The following DIPK1C variants were observed in gnomAD, a reference collection of about 807,000 sequenced individuals.
DIPK1C encodes the protein divergent protein kinase domain 1C, also known as familial non-conventional Alzheimer's dementia.
Under a neutral mutation model 28.0 loss-of-function variants are expected in DIPK1C, and 33 were observed. The observed-to-expected ratio is 1.18, with a 90% CI of 0.89 to 1.58. The LOEUF is 1.58. Among genes scored for constraint, DIPK1C ranks in the 40% most tolerant of loss-of-function variants. The pLI, the probability that DIPK1C is intolerant of heterozygous loss-of-function variation, is 0.00. For missense variants in DIPK1C, 569 were observed against 568.5 expected (o/e 1.00, Z -0.01); for synonymous variants, 255 against 248.8 (o/e 1.02, Z -0.23).
In DIPK1C at chr18:74,447,050, C is replaced by T; in HGVS notation, c.432G>A (p.Glu144=). The T allele has an allele frequency of 6.5e-7, 1 of 1,549,674 alleles. No homozygotes were observed. The highest frequency in any genetic ancestry group is 8.7e-7 in the Non-Finnish European group (1 of 1,146,550). The stretch of plus-strand genomic sequence containing the variant: ...CAGCCACCATCAGGAGGAGTTCGGC[C>T]TCGGGCATGTCCTGGCCACCCTCCC... ...EAGEGGQDMP[E]AELLLMVAGE... is the part of the protein sequence containing the mutation. The change falls in exon 2 of 4, where the codon GAG becomes GAA. Residue 144 remains glutamate, a synonymous_variant. Coordinates refer to ENST00000343998, the MANE Select transcript of DIPK1C (RefSeq NM_001044369.3). This position sits in a 1 kb window ranked among gnomAD's most constrained non-coding sequence, Gnocchi z 4.1.
At chr18:74,438,402 G>A (rs1484640439) in intron 3 of DIPK1C, among the ~76,000 whole-genome samples, 1 of 152,144 alleles carries the variant, frequency 6.6e-6, no homozygotes, top group East Asian at 1.9e-4. Flanking sequence ...CTAGAAATAG[G>A]ATTTCTGGGT....
At position 74,452,696 on chromosome 18, in the gene DIPK1C, CA is replaced by C. The variant is rs553474434; in HGVS notation, c.198+4365del. ...CTGGGAGGTAGAGGCTGCAGTGAGCCACCCTGTCTCAAGAAAACAAACAAAA... is the reference window on the plus strand; with the variant it reads ...CTGGGAGGTAGAGGCTGCAGTGAGCCCCCTGTCTCAAGAAAACAAACAAAA... On this transcript the variant is annotated intron_variant, in intron 1 of 3. Transcript: ENST00000343998. 4.6e-5 allele frequency among the ~76,000 whole-genome samples: 7 copies of C among 152,168 alleles called. No homozygotes were observed. In the East Asian group the frequency reaches 1.3e-3, roughly 29 times the overall value.
At chr18:74,442,512 G>A (rs1228502728) in intron 2 of DIPK1C, among the ~76,000 whole-genome samples, 3 of 151,796 alleles carry the variant, frequency 2.0e-5, no homozygotes, top group Admixed American at 6.6e-5. Context: ...TGTATTTTTA[G>A]TAGAGACGGG....
In DIPK1C at chr18:74,447,351, A is replaced by C. The variant is rs1246052064; in HGVS notation, c.199-68T>G. 7.0e-7 allele frequency: 1 copy of C among 1,422,900 alleles called. No individual in the cohort carries two copies. Among genetic ancestry groups the C allele is most frequent in the Non-Finnish European group, 9.3e-7 (1 of 1,071,650 alleles). The allele number at this position is 1,422,900 out of a possible 1,614,324, so 88.1% of individuals were successfully genotyped here. On this transcript the variant is annotated intron_variant, in intron 1 of 3. Transcript: ENST00000343998. The surrounding 1 kb of genome is among the most constrained non-coding windows in gnomAD (Gnocchi z 4.1). ...TGCCATCCGTCTCTCGGCTCGGGTT[A>C]GGGAAGGGGACAGCCTAGCCTCTGC...
chr18:74,456,032 C>A (rs1232034162), intron 1 of DIPK1C, among the ~76,000 whole-genome samples: 1 of 152,216 alleles, frequency 6.6e-6, no homozygotes, highest in Non-Finnish European at 1.5e-5. Flanking sequence ...ATGTAAGCAA[C>A]TGGACTGAAA....
chr18:74,457,818 G>C (rs1157511366), upstream of DIPK1C: 1 of 151,492 alleles, frequency 6.6e-6, no homozygotes, highest in Non-Finnish European at 1.5e-5. Flanking sequence ...GAGATCCGGA[G>C]CATGCAGAGA....
chr18:74,448,511 A>G (rs1259726401), intron 1 of DIPK1C, among the ~76,000 whole-genome samples: 1 of 152,174 alleles, frequency 6.6e-6, no homozygotes, highest in Non-Finnish European at 1.5e-5. Context: ...CTGAGCTTGG[A>G]TTCCATGGTC....
chr18:74,440,677 C>T (rs533445316), intron 3 of DIPK1C, among the ~76,000 whole-genome samples: 2 of 152,312 alleles, frequency 1.3e-5, no homozygotes, highest in Admixed American at 6.5e-5. Context: ...CTTAATGAAT[C>T]GGTAAGAGCC....
chr18:74,454,466 G>A (rs780185423), intron 1 of DIPK1C, among the ~76,000 whole-genome samples: 78 of 152,340 alleles, frequency 5.1e-4, no homozygotes, highest in Admixed American at 1.4e-3. Flanking sequence ...GGCAGCCCCC[G>A]CTACTGGGGG....
upstream of DIPK1C, among the ~76,000 whole-genome samples, chr18:74,458,201 G>A (rs927759500): frequency 6.6e-6 from 1 of 152,100 alleles, no homozygotes; most frequent in Non-Finnish European, 1.5e-5. Context: ...CCCAGGATAG[G>A]GGGAGGCGGC....
At chr18:74,444,310 G>C (rs1166749177) in intron 2 of DIPK1C, among the ~76,000 whole-genome samples, 1 of 152,180 alleles carries the variant, frequency 6.6e-6, no homozygotes, top group Admixed American at 6.5e-5. Flanking sequence ...ACAGCCACTG[G>C]ACACTTTCTC....
At chr18:74,442,351 CGG>C (rs1437874092) in intron 2 of DIPK1C, among the ~76,000 whole-genome samples, 1 of 151,826 alleles carries the variant, frequency 6.6e-6, no homozygotes, top group Non-Finnish European at 1.5e-5. Flanking sequence ...TTAATTGAGA[CGG>C]AGTCTCACTC....
intron 3 of DIPK1C, among the ~76,000 whole-genome samples, chr18:74,438,470 T>C (rs1402962660): frequency 6.6e-6 from 1 of 152,202 alleles, no homozygotes; most frequent in Non-Finnish European, 1.5e-5. Context: ...CCATAAAATT[T>C]CTACTCATTT....
chr18:74,456,955 G>A (rs1427574386), intron 1 of DIPK1C, 107 bp downstream of exon 1: 1 of 1,166,530 alleles, frequency 8.6e-7, no homozygotes, highest in African/African-American at 1.6e-5. Flanking sequence ...CATGTCCCCG[G>A]CGGGTGCCAC....
At chr18:74,451,828 G>A (rs1021804695) in intron 1 of DIPK1C, among the ~76,000 whole-genome samples, 1 of 152,160 alleles carries the variant, frequency 6.6e-6, no homozygotes, top group Non-Finnish European at 1.5e-5. Flanking sequence ...CCCAGTCACC[G>A]CGCTTGTCCT....
At position 74,435,403 on chromosome 18, in the gene DIPK1C, C is replaced by G. The variant is rs1030439664; in HGVS notation, c.*1098G>C. The G allele has an allele frequency of 3.9e-5, 6 of 152,218 alleles. No individual in the cohort carries two copies. Among genetic ancestry groups the G allele is most frequent in the African/African-American group, 1.4e-4 (6 of 41,444 alleles). 9.4% of individuals were successfully genotyped at this position (152,218 alleles called of 1,614,324 possible). The stretch of plus-strand genomic sequence containing the variant: ...GCCTGTATTTTGCTGGAAAAGCCTC[C>G]TTGGGATCACCACTGATGAGCGTAT... On this transcript the variant is annotated 3_prime_UTR_variant, in exon 4 of 4. Coordinates refer to ENST00000343998, the MANE Select transcript of DIPK1C (RefSeq NM_001044369.3).
At chr18:74,446,571 C>A in intron 2 of DIPK1C, 35 bp downstream of exon 2, 2 of 1,407,728 alleles carry the variant, frequency 1.4e-6, no homozygotes, top group Non-Finnish European at 1.9e-6. Context: ...GAGCTCCGTT[C>A]TCTGCACATA....
upstream of DIPK1C, among the ~76,000 whole-genome samples, chr18:74,458,586 G>A (rs1416321827): frequency 2.6e-5 from 4 of 152,178 alleles, no homozygotes; most frequent in East Asian, 1.9e-4. Context: ...AATATGCCCC[G>A]AATGCAACAG....
At chr18:74,456,666 C>T (rs1389884324) in intron 1 of DIPK1C, among the ~76,000 whole-genome samples, 1 of 152,226 alleles carries the variant, frequency 6.6e-6, no homozygotes, top group Non-Finnish European at 1.5e-5. Context: ...CGTGGCACCC[C>T]GGATCCCGAA....
Sources: allele counts gnomAD v4.1 joint callset (sites outside exome capture counted in the v4.1 genomes callset), GRCh38; gene constraint gnomAD v4.1.1; non-coding constraint Gnocchi (gnomAD v3.1); transcripts MANE v1.5; gene names NCBI Gene and HGNC (gene_info 2026-07-23, HGNC 2026-07-21).